Variants in SLC38A4 observed in about 807,000 individuals in gnomAD.
SLC38A4 encodes the protein sodium-coupled neutral amino acid transporter 4.
SLC38A4 carries 20 observed loss-of-function variants against 63.1 expected under a neutral mutation model. That is an observed-to-expected ratio of 0.32 (90% confidence interval 0.22 to 0.46). The LOEUF is 0.46. SLC38A4 is among the 20% of genes least tolerant of loss of function. SLC38A4 has a pLI of 1.00. For missense variants in SLC38A4, 526 were observed against 663.6 expected (o/e 0.79, Z 2.28); for synonymous variants, 230 against 225.5 (o/e 1.02, Z -0.18).
At chr12:46,829,497 G>GA (rs1939702634), upstream of SLC38A4, among the ~76,000 whole-genome samples, 1 of 150,626 alleles carries the variant, frequency 6.6e-6, no homozygotes, top group Non-Finnish European at 1.5e-5. Context: ...AAGGCAAAAA[G>GA]AAAAAAACAA....
intron 1 of SLC38A4, among the ~76,000 whole-genome samples, chr12:46,811,574 T>G (rs1393034602): frequency 6.6e-6 from 1 of 152,060 alleles, no homozygotes; most frequent in African/African-American, 2.4e-5. Context: ...TTCTTTGTTA[T>G]GTTTAATTCA....
At position 46,772,427 on chromosome 12, in the gene SLC38A4, T is replaced by C. The variant is rs1565662620; in HGVS notation, c.1299+2622A>G. 2.0e-5 allele frequency among the ~76,000 whole-genome samples: 3 copies of C among 152,042 alleles called. No homozygotes were observed. In the South Asian group the frequency reaches 6.2e-4, roughly 31 times the overall value. ...CATCTGTGTGTTCATTATATATCCA[T>C]TAGGATTATTTGGTTTCTTGTTCTT... is the stretch of plus-strand genomic sequence containing the variant. On this transcript the variant is annotated intron_variant, in intron 14 of 16. Transcript: ENST00000266579.
intron 1 of SLC38A4, among the ~76,000 whole-genome samples, chr12:46,821,461 G>C (rs1287985115): frequency 6.6e-6 from 1 of 152,032 alleles, no homozygotes; most frequent in East Asian, 1.9e-4. Context: ...TTGAAGATCA[G>C]TTGGCCATAT....
rs769644483 is a variant in SLC38A4, at chr12:46,769,381, G to A, written c.1347C>T (p.Ser449=). ...ITLLFPKRPF[S]WIRHFLIAAV... is the part of the protein sequence containing the mutation. ...CTGCAATCAGGAAATGTCGTATCCA[G>A]CTGAAGGGTCGTTTGGGAAATAACA... The change falls in exon 15 of 17, where the codon AGC becomes AGT. Residue 449 remains serine, a synonymous_variant. Transcript: ENST00000266579. 1.2e-6 allele frequency: 2 copies of A among 1,613,490 alleles called. No individual in the cohort carries two copies. Among genetic ancestry groups the A allele is most frequent in the Non-Finnish European group, 1.7e-6 (2 of 1,179,560 alleles).
chr12:46,785,371 C>G (rs1452744621), intron 5 of SLC38A4, among the ~76,000 whole-genome samples, 194 bp from the exon 6 acceptor site: 1 of 137,692 alleles, frequency 7.3e-6, no homozygotes, highest in African/African-American at 2.7e-5. Flanking sequence ...ATAGAATTTG[C>G]TATATTTTAC....
At chr12:46,773,141 T>A (rs1246818705) in intron 14 of SLC38A4, among the ~76,000 whole-genome samples, 4 of 152,056 alleles carry the variant, frequency 2.6e-5, no homozygotes, top group Non-Finnish European at 4.4e-5. Flanking sequence ...TATAGGGAGG[T>A]TTGGTTCATT....
chr12:46,771,875 C>T (rs560185540), intron 14 of SLC38A4, among the ~76,000 whole-genome samples: 1 of 152,162 alleles, frequency 6.6e-6, no homozygotes. Context: ...TTTTTCTTTA[C>T]TGACACAAGT....
intron 7 of SLC38A4, among the ~76,000 whole-genome samples, chr12:46,781,558 T>C (rs1182042772): frequency 6.6e-6 from 1 of 152,026 alleles, no homozygotes; most frequent in Non-Finnish European, 1.5e-5. Context: ...TTTTAGGGGA[T>C]TGAGAAAATT....
chr12:46,821,277 A>G (rs910710847), intron 1 of SLC38A4, among the ~76,000 whole-genome samples: 1 of 152,030 alleles, frequency 6.6e-6, no homozygotes, highest in African/African-American at 2.4e-5. Flanking sequence ...TTATCCTAGG[A>G]GTTTTACAGT....
chr12:46,781,238 T>A (rs796767935), intron 7 of SLC38A4, among the ~76,000 whole-genome samples: 2 of 152,022 alleles, frequency 1.3e-5, no homozygotes, highest in African/African-American at 4.8e-5. Flanking sequence ...ACGGACTACA[T>A]CTAAAACAGA....
intron 16 of SLC38A4, among the ~76,000 whole-genome samples, chr12:46,767,195 C>A (rs1408632910): frequency 1.3e-5 from 2 of 151,580 alleles, no homozygotes; most frequent in African/African-American, 2.4e-5. Context: ...ATAAAGCAAA[C>A]AAAACCAAAA....
chr12:46,794,702 GA>G (rs1351661059), intron 2 of SLC38A4, among the ~76,000 whole-genome samples: 1 of 151,514 alleles, frequency 6.6e-6, no homozygotes. Context: ...GAGGAATGGG[GA>G]AAAAATAAGA....
chr12:46,787,252 C>G (rs1009926740), intron 5 of SLC38A4, among the ~76,000 whole-genome samples: 4 of 152,304 alleles, frequency 2.6e-5, no homozygotes, highest in African/African-American at 7.2e-5. Context: ...ATGGGCTCAA[C>G]TTTCTAGAGC....
intron 1 of SLC38A4, among the ~76,000 whole-genome samples, chr12:46,815,584 G>T (rs2120904864): frequency 6.6e-6 from 1 of 151,802 alleles, no homozygotes; most frequent in East Asian, 1.9e-4. Flanking sequence ...GTTGTTGTTG[G>T]CTGTATATTT....
Position 46,815,586 on chromosome 12 carries a change from T to C in SLC38A4, c.-305+10317A>G, listed in dbSNP as rs541148985. On this transcript the variant is annotated intron_variant, in intron 1 of 16. Coordinates refer to ENST00000266579, the MANE Select transcript of SLC38A4 (RefSeq NM_018018.5). ...AATATTAGTTGCTGTTGTTGTTGGC[T>C]GTATATTTTTAAATCAGTGGACTCC... Among the ~76,000 whole-genome samples, 24 of 151,922 alleles carry C rather than the reference T, an allele frequency of 1.6e-4. No individual in the cohort carries two copies. In the South Asian group the frequency reaches 5.0e-3, roughly 32 times the overall value.
chr12:46,829,395 AT>A (rs1939700776), upstream of SLC38A4, among the ~76,000 whole-genome samples: 2 of 152,142 alleles, frequency 1.3e-5, no homozygotes, highest in South Asian at 4.1e-4. Context: ...TATAAAATAT[AT>A]AACAGCCTTT....
chr12:46,811,363 C>G lies in SLC38A4; in HGVS notation c.-304-7569G>C, dbSNP rs536652814. 4.3e-4 allele frequency among the ~76,000 whole-genome samples: 66 copies of G among 152,024 alleles called. No homozygotes were observed. In the South Asian group the frequency reaches 0.013, roughly 31 times the overall value. Reference sequence around the variant, plus strand: ...GCAGAGAAGCTACTGGAGGAAGTAACAGCTGGGCTAAATCTGAAAGAACAA... The same window carrying G: ...GCAGAGAAGCTACTGGAGGAAGTAAGAGCTGGGCTAAATCTGAAAGAACAA... On this transcript the variant is annotated intron_variant, in intron 1 of 16. Transcript: ENST00000266579.
intron 1 of SLC38A4, among the ~76,000 whole-genome samples, chr12:46,807,042 G>A (rs148191814): frequency 6.6e-6 from 1 of 151,992 alleles, no homozygotes. Flanking sequence ...CAACGACAGT[G>A]GGAGAGATAA....
At position 46,773,263 on chromosome 12, in the gene SLC38A4, A is replaced by T. The variant is rs533853485; in HGVS notation, c.1299+1786T>A. ...TACATTTCAAGACAAAGCAAGATTC[A>T]TTTGAAGACCATTTTTCTTCCCAAG... On this transcript the variant is annotated intron_variant, in intron 14 of 16. Transcript: ENST00000266579. 5.9e-5 allele frequency among the ~76,000 whole-genome samples: 9 copies of T among 152,172 alleles called. No individual in the cohort carries two copies. In the South Asian group the frequency reaches 1.9e-3, roughly 32 times the overall value.
Sources: gnomAD v4.1 joint callset for allele counts (sites outside exome capture counted in the v4.1 genomes callset) on GRCh38, gnomAD v4.1.1 for gene constraint, MANE v1.5 for transcripts, NCBI Gene and HGNC (gene_info 2026-07-23, HGNC 2026-07-21) for gene names.